Variants in CARMIL1 observed in about 807,000 individuals in gnomAD.
CARMIL1 encodes F-actin-uncapping protein LRRC16A.
A neutral mutation model predicts 177.1 loss-of-function variants in CARMIL1; 90 were observed. The observed-to-expected ratio is 0.51, with a 90% CI of 0.43 to 0.61. The LOEUF (loss-of-function observed/expected upper bound fraction) is 0.61, where lower values mean the gene tolerates loss of function less well. CARMIL1 is among the 20% of genes least tolerant of loss of function. The pLI is 0.00. For synonymous variants in CARMIL1, 577 were observed against 606.2 expected (o/e 0.95, Z 0.71); for missense variants, 1,380 against 1,667.0 (o/e 0.83, Z 3.00).
Position 25,459,764 on chromosome 6 carries a change from T to C in CARMIL1, c.615-6109T>C, listed in dbSNP as rs552783702. Among the ~76,000 whole-genome samples the C allele has an allele frequency of 2.6e-5, 4 of 152,318 alleles. No homozygotes were observed. In the South Asian group the frequency reaches 8.3e-4, roughly 32 times the overall value. On this transcript the variant is annotated intron_variant, in intron 8 of 36. Coordinates refer to ENST00000329474, the MANE Select transcript of CARMIL1 (RefSeq NM_017640.6). Reference sequence around the variant, plus strand: ...CTCCTCAAGGTTTGTAGTCTTAAGATGTTTTTGCTACCATTTTAAGGAAAT... The same window carrying C: ...CTCCTCAAGGTTTGTAGTCTTAAGACGTTTTTGCTACCATTTTAAGGAAAT...
intron 1 of CARMIL1, among the ~76,000 whole-genome samples, chr6:25,283,978 A>T (rs1781336315): frequency 6.6e-6 from 1 of 152,050 alleles, no homozygotes; most frequent in African/African-American, 2.4e-5. Flanking sequence ...TCAGCCTCCC[A>T]AAGTGCTGGG....
At chr6:25,348,987 AT>A (rs1258807259) in intron 2 of CARMIL1, among the ~76,000 whole-genome samples, 1 of 152,046 alleles carries the variant, frequency 6.6e-6, no homozygotes, top group Non-Finnish European at 1.5e-5. Flanking sequence ...CCTCATCTTT[AT>A]TGTTATGTAT....
chr6:25,369,275 C>T (rs1001283717), intron 2 of CARMIL1, among the ~76,000 whole-genome samples: 3 of 152,094 alleles, frequency 2.0e-5, no homozygotes, highest in Non-Finnish European at 4.4e-5. Context: ...CCTGTGCCAT[C>T]GACACCATTA....
intron 11 of CARMIL1, among the ~76,000 whole-genome samples, chr6:25,477,213 A>T (rs941049533): frequency 2.6e-5 from 4 of 152,118 alleles, no homozygotes; most frequent in Admixed American, 2.6e-4. Flanking sequence ...TTTGTACCTA[A>T]ACCTTCCACT....
At chr6:25,506,839 T>C (rs900416038) in intron 17 of CARMIL1, among the ~76,000 whole-genome samples, 1 of 152,224 alleles carries the variant, frequency 6.6e-6, no homozygotes, top group African/African-American at 2.4e-5. Context: ...ACAAATGATA[T>C]TAAGGAAGGA....
intron 26 of CARMIL1, among the ~76,000 whole-genome samples, 179 bp from the exon 27 acceptor site, chr6:25,550,731 A>C (rs1246554507): frequency 6.6e-6 from 1 of 152,146 alleles, no homozygotes; most frequent in Non-Finnish European, 1.5e-5. Context: ...GAGATCAATG[A>C]TCATCCAACA....
At chr6:25,408,292 T>TAA (rs1166997029) in intron 2 of CARMIL1, among the ~76,000 whole-genome samples, 1,506 of 96,434 alleles carry the variant, frequency 0.016, 22 homozygotes, top group East Asian at 0.15. Flanking sequence ...TCTCTTAAAA[T>TAA]AAAAAAAAAA....
chr6:25,352,448 T>C (rs1788204738), intron 2 of CARMIL1, among the ~76,000 whole-genome samples: 1 of 152,178 alleles, frequency 6.6e-6, no homozygotes, highest in South Asian at 2.1e-4. Context: ...CTGTGTAAGT[T>C]AACTACTAGA....
intron 13 of CARMIL1, among the ~76,000 whole-genome samples, chr6:25,489,141 G>A (rs1305045895): frequency 6.8e-6 from 1 of 147,340 alleles, no homozygotes; most frequent in Non-Finnish European, 1.5e-5. Context: ...CTCCAGCCTG[G>A]GCGACAGTGT....
rs1810831288 is a variant in CARMIL1 at position 25,558,485 on chromosome 6, T to G, written c.2742+1635T>G. Among the ~76,000 whole-genome samples the G allele has an allele frequency of 6.6e-6, 1 of 152,188 alleles. No individual in the cohort carries two copies. The highest frequency in any genetic ancestry group is 1.5e-5 in the Non-Finnish European group (1 of 68,034). ...TTGTGAAAGGAAGAAAAAGGTTGTT[T>G]GTTTGTTTTAAGTGAGTGAGTTGAG... On this transcript the variant is annotated intron_variant, in intron 29 of 36. Transcript: ENST00000329474. The surrounding 1 kb of genome is among the most constrained non-coding windows in gnomAD (Gnocchi z 4.1).
intron 29 of CARMIL1, among the ~76,000 whole-genome samples, chr6:25,572,026 A>G (rs182375302): frequency 1.3e-5 from 2 of 152,290 alleles, no homozygotes; most frequent in Admixed American, 6.5e-5. Context: ...AATATGGACT[A>G]TAGTGTGTAT....
At chr6:25,407,684 G>T (rs1794503054) in intron 2 of CARMIL1, among the ~76,000 whole-genome samples, 1 of 152,134 alleles carries the variant, frequency 6.6e-6, no homozygotes, top group Non-Finnish European at 1.5e-5. Context: ...TACTCTGTGG[G>T]AGTAATAAAA....
At chr6:25,615,323 AT>A (rs1337736316) in intron 36 of CARMIL1, among the ~76,000 whole-genome samples, 2 of 152,310 alleles carry the variant, frequency 1.3e-5, no homozygotes, top group South Asian at 2.1e-4. Context: ...CATGCTGCAT[AT>A]TTTTATCACG....
At chr6:25,468,329 G>T (rs945242830) in intron 9 of CARMIL1, among the ~76,000 whole-genome samples, 1 of 151,800 alleles carries the variant, frequency 6.6e-6, no homozygotes, top group African/African-American at 2.4e-5. Flanking sequence ...AGGCAAATTG[G>T]TGAGCATCTT....
intron 5 of CARMIL1, among the ~76,000 whole-genome samples, chr6:25,437,318 G>C (rs1797321551): frequency 6.6e-6 from 1 of 152,124 alleles, no homozygotes; most frequent in Non-Finnish European, 1.5e-5. Context: ...TTCTTTAAAA[G>C]GCAGCCTTAT....
chr6:25,332,771 ACGCG>A (rs1554165963), intron 2 of CARMIL1, among the ~76,000 whole-genome samples: 1,120 of 86,960 alleles, frequency 0.013, 14 homozygotes, highest in African/African-American at 0.026. Flanking sequence ...ACACACACAC[ACGCG>A]CACACACACA....
At chr6:25,499,945 ACTGC>A (rs1272503275) in intron 16 of CARMIL1, among the ~76,000 whole-genome samples, 1 of 152,264 alleles carries the variant, frequency 6.6e-6, no homozygotes, top group African/African-American at 2.4e-5. Flanking sequence ...TGATGGGCTC[ACTGC>A]CTGTCAGGCA....
chr6:25,390,321 T>TG (rs1491117122), intron 2 of CARMIL1, among the ~76,000 whole-genome samples: 1,592 of 38,154 alleles, frequency 0.042, 32 homozygotes, highest in African/African-American at 0.14. Flanking sequence ...TATATATATA[T>TG]TTTTTTTTTT....
chr6:25,481,091 G>A (rs1343157027), intron 11 of CARMIL1, among the ~76,000 whole-genome samples: 1 of 149,060 alleles, frequency 6.7e-6, no homozygotes, highest in East Asian at 1.9e-4. Context: ...ACATCAACTT[G>A]TTAGTCACTT....
Sources: gnomAD v4.1 joint callset for allele counts (sites outside exome capture counted in the v4.1 genomes callset) on GRCh38, gnomAD v4.1.1 for gene constraint, Gnocchi (gnomAD v3.1) non-coding constraint, MANE v1.5 for transcripts, NCBI Gene and HGNC (gene_info 2026-07-23, HGNC 2026-07-21) for gene names.